COBL: variants seen among roughly 807,000 people sequenced by gnomAD.
The protein encoded by COBL is protein cordon-bleu.
COBL carries 51 observed loss-of-function variants against 98.8 expected under a neutral mutation model. The observed-to-expected ratio is 0.52, with a 90% CI of 0.41 to 0.65. The LOEUF (loss-of-function observed/expected upper bound fraction) is 0.65, where lower values mean the gene tolerates loss of function less well. Among genes scored for constraint, COBL ranks in the 30% least tolerant of loss-of-function variants. COBL has a pLI of 0.00. For synonymous variants in COBL, 634 were observed against 651.7 expected (o/e 0.97, Z 0.41); for missense variants, 1,617 against 1,617.5 (o/e 1.00, Z 0.01).
At chr7:51,307,013 G>C (rs976410139) in intron 1 of COBL, among the ~76,000 whole-genome samples, 1 of 152,166 alleles carries the variant, frequency 6.6e-6, no homozygotes, top group Admixed American at 6.5e-5. Flanking sequence ...GGACACTGAC[G>C]AGAGACGTCA....
rs573967952 is a variant in COBL at position 51,197,844 on chromosome 7, C to A, written c.246-4255G>T. On this transcript the variant is annotated intron_variant, in intron 2 of 12. Transcript: ENST00000265136. ...AAATTAGTATTGCACCTCCTGCTTTCTTCTGTTTTCCATTTGCTTGGTAGA... is the reference window on the plus strand; with the variant it reads ...AAATTAGTATTGCACCTCCTGCTTTATTCTGTTTTCCATTTGCTTGGTAGA... Among the ~76,000 whole-genome samples, 14 of 152,148 alleles carry A rather than the reference C, an allele frequency of 9.2e-5. No homozygotes were observed. In the East Asian group the frequency reaches 2.5e-3, roughly 27 times the overall value.
At position 51,125,530 on chromosome 7, in the gene COBL, A is replaced by T. The variant is rs187325169; in HGVS notation, c.957+10628T>A. On this transcript the variant is annotated intron_variant, in intron 6 of 12. Transcript: ENST00000265136. ...CTTGTAAAAATTCAAACTATGATCT[A>T]CTCCTCCAGACTATGTTTTAGACTT... is the stretch of plus-strand genomic sequence containing the variant. Among the ~76,000 whole-genome samples, 189 of 152,046 alleles carry T rather than the reference A, an allele frequency of 1.2e-3. 4 individuals are homozygous for T. The highest frequency in any genetic ancestry group is 0.012 in the Admixed American group (186 of 15,268).
chr7:51,225,089 T>C (rs1794055578), intron 1 of COBL, among the ~76,000 whole-genome samples: 1 of 152,218 alleles, frequency 6.6e-6, no homozygotes, highest in East Asian at 1.9e-4. Flanking sequence ...TGTTTCGTGC[T>C]TTCAGTGTGG....
At chr7:51,019,941 C>T (rs927694845) in intron 12 of COBL, among the ~76,000 whole-genome samples, 1 of 152,120 alleles carries the variant, frequency 6.6e-6, no homozygotes, top group African/African-American at 2.4e-5. Context: ...TTTCTCTTTC[C>T]TGGTTTGGGG....
chr7:51,292,947 T>C (rs1451258244), intron 1 of COBL, among the ~76,000 whole-genome samples: 2 of 152,194 alleles, frequency 1.3e-5, no homozygotes, highest in East Asian at 1.9e-4. Context: ...AGTGACACAA[T>C]GACAGAATTG....
chr7:51,291,564 C>G (rs963266390), intron 1 of COBL, among the ~76,000 whole-genome samples: 1 of 152,002 alleles, frequency 6.6e-6, no homozygotes, highest in Non-Finnish European at 1.5e-5. Context: ...AGTTCAAGAC[C>G]AGCTTGGCCA....
chr7:51,242,860 G>T (rs910669194), intron 1 of COBL, among the ~76,000 whole-genome samples: 4 of 152,088 alleles, frequency 2.6e-5, no homozygotes, highest in Admixed American at 1.3e-4. Context: ...TATCACCTCC[G>T]CACAGCTGGT....
chr7:51,028,624 C>G lies in COBL; in HGVS notation c.2472G>C (p.Glu824Asp). The stretch of plus-strand genomic sequence containing the variant: ...TCCCCTCCCCTAGGGGGTTCCGGCC[C>G]TCATGGTGGGCAGACTTCTGCTGGG... ...ISPQQKSAHHEGRNPLGEGRN... is the reference protein window; with the variant it reads ...ISPQQKSAHHDGRNPLGEGRN... Residue 824 changes from glutamate (E) to aspartate (D), a missense_variant, in exon 10 of 13, where the codon GAG becomes GAC. Around this residue, in one of 3 missense-constraint regions of COBL, gnomAD observed 1,304 missense variants for 1,282.0 expected, o/e 1.02. Transcript: ENST00000265136. The G allele has an allele frequency of 6.2e-7, 1 of 1,613,548 alleles. No homozygotes were observed. The highest frequency in any genetic ancestry group is 1.1e-5 in the South Asian group (1 of 90,998).
chr7:51,093,303 G>A (rs1794982055), intron 6 of COBL, among the ~76,000 whole-genome samples: 2 of 152,138 alleles, frequency 1.3e-5, no homozygotes, highest in South Asian at 4.1e-4. Context: ...AACCATATGA[G>A]AAATGCAAAG....
intron 5 of COBL, among the ~76,000 whole-genome samples, chr7:51,174,450 T>C (rs761981229): frequency 1.3e-5 from 2 of 152,122 alleles, no homozygotes; most frequent in South Asian, 4.2e-4. Flanking sequence ...GAGAAAAATA[T>C]AGTAAAATAA....
chr7:51,244,770 A>AT (rs1267934526), intron 1 of COBL, among the ~76,000 whole-genome samples: 1 of 152,026 alleles, frequency 6.6e-6, no homozygotes, highest in African/African-American at 2.4e-5. Flanking sequence ...CCATTATATC[A>AT]TTGCTGCAGC....
chr7:51,159,184 G>A (rs756203496), intron 5 of COBL, among the ~76,000 whole-genome samples: 2 of 152,182 alleles, frequency 1.3e-5, no homozygotes, highest in Non-Finnish European at 1.5e-5. Context: ...GCGTGAAACC[G>A]CAGGGCGCAA....
chr7:51,043,463 C>CT lies in COBL; in HGVS notation c.1325dup (p.Asp443GlyfsTer22). The CT allele has an allele frequency of 6.2e-7, 1 of 1,614,222 alleles. No individual in the cohort carries two copies. The highest frequency in any genetic ancestry group is 1.6e-4 in the Middle Eastern group (1 of 6,062). ...CCAGGTCTGGGGTTCCAGCGAGGTC[C>CT]TGGTCACTGCAGTCTTCCTGGTCTG... On this transcript the variant is annotated frameshift_variant, in exon 8 of 13. Coordinates refer to ENST00000265136, the MANE Select transcript of COBL (RefSeq NM_015198.5). LOFTEE classifies it high-confidence loss of function.
At chr7:51,215,889 A>T (rs1249947328) in intron 2 of COBL, among the ~76,000 whole-genome samples, 3 of 152,196 alleles carry the variant, frequency 2.0e-5, no homozygotes, top group African/African-American at 4.8e-5. Context: ...GAACATGGAG[A>T]CCCAACACCT....
chr7:51,200,114 A>T (rs1447191153), intron 2 of COBL, among the ~76,000 whole-genome samples: 1 of 152,222 alleles, frequency 6.6e-6, no homozygotes, highest in African/African-American at 2.4e-5. Context: ...CAATGGGATG[A>T]TACAGCAAAG....
chr7:51,268,844 C>T (rs1357657529), intron 1 of COBL, among the ~76,000 whole-genome samples: 1 of 151,108 alleles, frequency 6.6e-6, no homozygotes, highest in Non-Finnish European at 1.5e-5. Context: ...GCAGGAGAAT[C>T]GCTCGAACTC....
chr7:51,049,798 G>T (rs911917969), intron 7 of COBL, among the ~76,000 whole-genome samples: 1 of 152,170 alleles, frequency 6.6e-6, no homozygotes, highest in Admixed American at 6.5e-5. Context: ...TGCACACACG[G>T]GTGTGCAAAT....
intron 1 of COBL, among the ~76,000 whole-genome samples, chr7:51,276,904 C>T (rs1799358785): frequency 6.6e-6 from 1 of 152,170 alleles, no homozygotes; most frequent in African/African-American, 2.4e-5. Context: ...AGCTGAGGCT[C>T]ATAAGATTTG....
chr7:51,186,638 T>C (rs954496406), intron 4 of COBL, among the ~76,000 whole-genome samples: 1 of 152,194 alleles, frequency 6.6e-6, no homozygotes, highest in Non-Finnish European at 1.5e-5. Context: ...GGAGAGACAC[T>C]TTCTCATGCA....
Sources: gnomAD v4.1 joint callset for allele counts (sites outside exome capture counted in the v4.1 genomes callset) on GRCh38, gnomAD v4.1.1 for gene constraint, gnomAD v4.1.1 regional missense constraint, MANE v1.5 for transcripts, NCBI Gene and HGNC (gene_info 2026-07-23, HGNC 2026-07-21) for gene names.